Variants in ZFAND3 observed in about 807,000 individuals in gnomAD.
The protein encoded by ZFAND3 is zinc finger AN1-type containing 3, also known as AN1-type zinc finger protein 3.
A neutral mutation model predicts 29.6 loss-of-function variants in ZFAND3; 10 were observed. That is an observed-to-expected ratio of 0.34 (90% CI 0.21 to 0.57). The LOEUF is 0.57. ZFAND3 is among the 20% of genes least tolerant of loss of function. The pLI is 0.86. For synonymous variants in ZFAND3, 128 were observed against 112.6 expected, an observed-to-expected ratio of 1.14 and a Z score of -0.87; for missense variants, 230 against 304.5, an observed-to-expected ratio of 0.76 and a Z score of 1.82.
intron 2 of ZFAND3, among the ~76,000 whole-genome samples, chr6:38,036,069 C>T (rs1763651619): frequency 6.6e-6 from 1 of 152,210 alleles, no homozygotes; most frequent in Non-Finnish European, 1.5e-5. Flanking sequence ...CTCTCCCAGA[C>T]TCTTGAGTCT....
intron 4 of ZFAND3, among the ~76,000 whole-genome samples, chr6:38,102,917 C>T (rs1177684533): frequency 6.6e-6 from 1 of 152,076 alleles, no homozygotes; most frequent in African/African-American, 2.4e-5. Flanking sequence ...CCACCATGTC[C>T]AACTAATTTT....
intron 2 of ZFAND3, among the ~76,000 whole-genome samples, chr6:37,950,379 G>GTT (rs1159316821): frequency 1.2e-4 from 16 of 137,822 alleles, no homozygotes; most frequent in African/African-American, 1.6e-4. Context: ...TTGTTGACTT[G>GTT]TTTTTTTTTT....
intron 2 of ZFAND3, among the ~76,000 whole-genome samples, chr6:37,993,576 C>T (rs1762797938): frequency 6.6e-6 from 1 of 152,174 alleles, no homozygotes; most frequent in Admixed American, 6.5e-5. Context: ...ATCTGCCCAC[C>T]TTGGCCTCCC....
intron 1 of ZFAND3, among the ~76,000 whole-genome samples, chr6:37,894,106 T>A (rs34592529): frequency 0.37 from 55,465 of 151,568 alleles, 11,303 homozygotes; most frequent in Non-Finnish European, 0.47. Context: ...ATACAGAAAA[T>A]TAGCTGGGCG....
At chr6:37,914,275 T>G (rs965468240) in intron 1 of ZFAND3, among the ~76,000 whole-genome samples, 16 of 152,192 alleles carry the variant, frequency 1.1e-4, no homozygotes, top group African/African-American at 3.9e-4. Flanking sequence ...AACCATCCTG[T>G]AAACAGATGT....
chr6:37,943,706 A>G (rs1196868686), intron 2 of ZFAND3, among the ~76,000 whole-genome samples: 5 of 152,164 alleles, frequency 3.3e-5, no homozygotes, highest in African/African-American at 4.8e-5. Flanking sequence ...GAATCCCATT[A>G]ATCATGTGAT....
At chr6:38,102,725 G>A (rs1765118119) in intron 4 of ZFAND3, among the ~76,000 whole-genome samples, 1 of 152,168 alleles carries the variant, frequency 6.6e-6, no homozygotes, top group Non-Finnish European at 1.5e-5. Flanking sequence ...GAGTAGGCAG[G>A]AGACTTACTC....
chr6:38,004,224 C>T (rs1216223735), intron 2 of ZFAND3, among the ~76,000 whole-genome samples: 1 of 152,024 alleles, frequency 6.6e-6, no homozygotes, highest in Non-Finnish European at 1.5e-5. Context: ...AGGTTGAGAT[C>T]TTGTGATTGT....
At chr6:37,898,343 TTC>T in intron 1 of ZFAND3, among the ~76,000 whole-genome samples, 1 of 152,240 alleles carries the variant, frequency 6.6e-6, no homozygotes. Context: ...GGACTTTTAA[TTC>T]TGTTCCATTG....
At chr6:38,040,008 T>A (rs761490513) in intron 2 of ZFAND3, among the ~76,000 whole-genome samples, 22 of 152,040 alleles carry the variant, frequency 1.4e-4, no homozygotes, top group Non-Finnish European at 2.6e-4. Flanking sequence ...AACTTATGCA[T>A]CTCTTGAGAC....
chr6:37,986,148 A>ATTT (rs141152086), intron 2 of ZFAND3, among the ~76,000 whole-genome samples: 6 of 150,958 alleles, frequency 4.0e-5, no homozygotes, highest in African/African-American at 1.5e-4. Context: ...ACAAAATATA[A>ATTT]TTTTTTTTTT....
chr6:37,963,604 G>A (rs1399439720), intron 2 of ZFAND3, among the ~76,000 whole-genome samples: 1 of 151,492 alleles, frequency 6.6e-6, no homozygotes, highest in African/African-American at 2.4e-5. Context: ...AAAAAAAAAA[G>A]ATCCAAATAA....
At chr6:37,926,280 G>T (rs1761482710) in intron 1 of ZFAND3, among the ~76,000 whole-genome samples, 1 of 152,200 alleles carries the variant, frequency 6.6e-6, no homozygotes, top group African/African-American at 2.4e-5. Context: ...CAGAATAATA[G>T]AAATTTATTT....
intron 3 of ZFAND3, among the ~76,000 whole-genome samples, chr6:38,064,251 A>C (rs1764299461): frequency 6.6e-6 from 1 of 152,238 alleles, no homozygotes. Flanking sequence ...AAATCAATTC[A>C]AGCCACCAAA....
At chr6:38,068,986 C>CT (rs1764400477) in intron 3 of ZFAND3, among the ~76,000 whole-genome samples, 1 of 152,182 alleles carries the variant, frequency 6.6e-6, no homozygotes, top group African/African-American at 2.4e-5. Flanking sequence ...AACAGATGTC[C>CT]TTGCTAGACT....
At chr6:38,088,714 T>G (rs947937943) in intron 4 of ZFAND3, among the ~76,000 whole-genome samples, 1 of 152,214 alleles carries the variant, frequency 6.6e-6, no homozygotes, top group African/African-American at 2.4e-5. Flanking sequence ...CCAGCACATA[T>G]GTTGAGTAGA....
At chr6:38,112,636 G>C (rs1342762595) in intron 4 of ZFAND3, among the ~76,000 whole-genome samples, 1 of 152,236 alleles carries the variant, frequency 6.6e-6, no homozygotes, top group Non-Finnish European at 1.5e-5. Flanking sequence ...ATGGGTAGTA[G>C]ATGGTTGCTT....
At chr6:37,973,610 CAT>C (rs1236469729) in intron 2 of ZFAND3, among the ~76,000 whole-genome samples, 1 of 152,200 alleles carries the variant, frequency 6.6e-6, no homozygotes, top group Non-Finnish European at 1.5e-5. Flanking sequence ...TAAATAGCCA[CAT>C]GTGTCTATTG....
intron 1 of ZFAND3, among the ~76,000 whole-genome samples, chr6:37,897,817 T>G (rs1171363605): frequency 6.6e-6 from 1 of 152,192 alleles, no homozygotes. Flanking sequence ...TTGTCCAATT[T>G]AAATTGGGAA....
Sources: gnomAD v4.1 joint callset for allele counts (sites outside exome capture counted in the v4.1 genomes callset) on GRCh38, gnomAD v4.1.1 for gene constraint, MANE v1.5 for transcripts, NCBI Gene and HGNC (gene_info 2026-07-23, HGNC 2026-07-21) for gene names.